The following PRKAR1B variants were observed in gnomAD, a reference collection of about 807,000 sequenced individuals.
PRKAR1B encodes cAMP-dependent protein kinase type I-beta regulatory subunit.
A neutral mutation model predicts 46.5 loss-of-function variants in PRKAR1B; 22 were observed. That is an observed-to-expected ratio of 0.47 (90% CI 0.34 to 0.68). The LOEUF (loss-of-function observed/expected upper bound fraction) is 0.68, where lower values mean the gene tolerates loss of function less well. Among genes scored for constraint, PRKAR1B ranks in the 30% least tolerant of loss-of-function variants. The pLI, the probability that PRKAR1B is intolerant of heterozygous loss-of-function variation, is 0.01. For missense variants in PRKAR1B, 445 were observed against 535.6 expected, an observed-to-expected ratio of 0.83 and a Z score of 1.67; for synonymous variants, 259 against 217.7, an observed-to-expected ratio of 1.19 and a Z score of -1.67.
At chr7:621,768 G>C (rs1326368489) in intron 4 of PRKAR1B, among the ~76,000 whole-genome samples, 1 of 152,190 alleles carries the variant, frequency 6.6e-6, no homozygotes, top group African/African-American at 2.4e-5. Context: ...AGTTTCTGAA[G>C]AGTTAAGCCA....
At chr7:676,409 A>G (rs1288897490) in intron 4 of PRKAR1B, among the ~76,000 whole-genome samples, 1 of 152,134 alleles carries the variant, frequency 6.6e-6, no homozygotes, top group African/African-American at 2.4e-5. Flanking sequence ...CAGGAGCCGC[A>G]GGAAAGGTAC....
chr7:683,206 A>T (rs1778798072), intron 2 of PRKAR1B, among the ~76,000 whole-genome samples: 1 of 152,182 alleles, frequency 6.6e-6, no homozygotes, highest in African/African-American at 2.4e-5. Flanking sequence ...GGGGTACAGG[A>T]GCTCTGGGGT....
intron 9 of PRKAR1B, among the ~76,000 whole-genome samples, chr7:573,751 G>A (rs184543858): frequency 6.6e-6 from 1 of 152,212 alleles, no homozygotes. Context: ...GAAAACACTG[G>A]AAGTTGTGCT....
intron 4 of PRKAR1B, among the ~76,000 whole-genome samples, chr7:675,844 G>A (rs1786549640): frequency 6.6e-6 from 1 of 152,182 alleles, no homozygotes; most frequent in Non-Finnish European, 1.5e-5. Context: ...TACTCAGGAG[G>A]CTGAGGCAGG....
At chr7:582,749 G>A (rs988786345) in intron 8 of PRKAR1B, among the ~76,000 whole-genome samples, 3 of 152,210 alleles carry the variant, frequency 2.0e-5, no homozygotes, top group African/African-American at 7.2e-5. Context: ...GTGGGCACAG[G>A]GCTGACTATG....
At chr7:649,960 G>A (rs1360538180) in intron 4 of PRKAR1B, among the ~76,000 whole-genome samples, 4 of 150,858 alleles carry the variant, frequency 2.7e-5, no homozygotes, top group Non-Finnish European at 5.9e-5. Context: ...GTAGCTGCAT[G>A]AGCCACCAGG....
In PRKAR1B at chr7:676,390, C is replaced by T. The variant is rs572500981; in HGVS notation, c.440+839G>A. ...CTCCTGCCTCAGGCCTCCGAGCTCCCGGCACAGGCAGGAGCCGCAGGAAAG... is the reference window on the plus strand; with the variant it reads ...CTCCTGCCTCAGGCCTCCGAGCTCCTGGCACAGGCAGGAGCCGCAGGAAAG... On this transcript the variant is annotated intron_variant, in intron 4 of 10. Coordinates refer to ENST00000537384, the MANE Select transcript of PRKAR1B (RefSeq NM_001164760.2). Among the ~76,000 whole-genome samples the T allele has an allele frequency of 5.4e-3, 820 of 152,272 alleles. 6 individuals carry two copies. Among genetic ancestry groups the T allele is most frequent in the African/African-American group, 0.019 (771 of 41,540 alleles).
chr7:680,131 C>G (rs1300866174), intron 3 of PRKAR1B, among the ~76,000 whole-genome samples: 1 of 145,762 alleles, frequency 6.9e-6, no homozygotes, highest in Non-Finnish European at 1.5e-5. Flanking sequence ...GCACTCCAGC[C>G]TGGGGGACGG....
intron 4 of PRKAR1B, among the ~76,000 whole-genome samples, chr7:633,665 G>C (rs1033460496): frequency 6.6e-6 from 1 of 152,126 alleles, no homozygotes; most frequent in African/African-American, 2.4e-5. Flanking sequence ...ATTGAGCTCA[G>C]ACTCTGTGCT....
At chr7:642,100 T>C (rs1784420011) in intron 4 of PRKAR1B, among the ~76,000 whole-genome samples, 1 of 152,048 alleles carries the variant, frequency 6.6e-6, no homozygotes, top group African/African-American at 2.4e-5. Flanking sequence ...CTTGCTATGT[T>C]GGCTAGGCTG....
chr7:561,618 C>T (rs1002959888), intron 9 of PRKAR1B, among the ~76,000 whole-genome samples: 3 of 152,242 alleles, frequency 2.0e-5, no homozygotes, highest in African/African-American at 7.2e-5. Context: ...GCTCCTCAGG[C>T]CCGGCTGGCC....
intron 2 of PRKAR1B, among the ~76,000 whole-genome samples, chr7:706,364 G>T (rs897302202): frequency 1.1e-5 from 1 of 88,268 alleles, no homozygotes; most frequent in African/African-American, 4.3e-5. Context: ...GATAATCTTC[G>T]GAAAGATCAC....
Position 550,557 on chromosome 7 carries a change from A to C in PRKAR1B, c.1019T>G (p.Val340Gly). The C allele has an allele frequency of 6.2e-7, 1 of 1,600,552 alleles. No homozygotes were observed. Residue 340 changes from valine to glycine, a missense_variant, in exon 11 of 11, where the codon GTG becomes GGG. By Grantham distance (109) the Val-to-Gly change is moderately radical (BLOSUM62 -3). This residue lies in a region of PRKAR1B where 127 missense variants were observed against 138.0 expected (regional missense o/e 0.92). Coordinates refer to ENST00000537384, the MANE Select transcript of PRKAR1B (RefSeq NM_001164760.2). ...LLNRPRAATVVARGPLKCVKL... is the reference protein window; with the variant it reads ...LLNRPRAATVGARGPLKCVKL... Reference sequence around the variant, plus strand: ...CACACACTTGAGGGGCCCCCGGGCCACGACAGTGGCCGCCCGGGGCCGGTT... The same window carrying C: ...CACACACTTGAGGGGCCCCCGGGCCCCGACAGTGGCCGCCCGGGGCCGGTT...
In PRKAR1B at chr7:550,377, G is replaced by T. The variant is rs1027800077; in HGVS notation, c.*53C>A. 3 of 1,524,098 alleles carry T rather than the reference G, an allele frequency of 2.0e-6. No homozygotes were observed. The highest frequency in any genetic ancestry group is 2.7e-6 in the Non-Finnish European group (3 of 1,122,914). The allele number at this position is 1,524,098 out of a possible 1,614,324, so 94.4% of individuals were successfully genotyped here. A position where few individuals can be genotyped will look rare whatever the true frequency, so the allele number is the denominator to read the frequency against. On this transcript the variant is annotated 3_prime_UTR_variant, in exon 11 of 11. Coordinates refer to ENST00000537384, the MANE Select transcript of PRKAR1B (RefSeq NM_001164760.2). ...GCTCCCGGGCCCCCGACACAGACGA[G>T]CAGGGCACGGCCACCACACTGGGGA...
intron 2 of PRKAR1B, among the ~76,000 whole-genome samples, chr7:690,355 T>C (rs1779344156): frequency 6.6e-6 from 1 of 151,002 alleles, no homozygotes; most frequent in South Asian, 2.1e-4. Flanking sequence ...GGCTGGGTGC[T>C]ATGCTCACTA....
intron 9 of PRKAR1B, among the ~76,000 whole-genome samples, chr7:569,680 G>A (rs1779386913): frequency 1.3e-5 from 2 of 152,244 alleles, no homozygotes; most frequent in South Asian, 2.1e-4. Flanking sequence ...GCACTCAGGA[G>A]CCTGCCCCAG....
chr7:653,943 C>G (rs1785048474), intron 4 of PRKAR1B, among the ~76,000 whole-genome samples: 1 of 151,290 alleles, frequency 6.6e-6, no homozygotes, highest in South Asian at 2.1e-4. Flanking sequence ...ATCTTCATCT[C>G]CATCACCATC....
At chr7:572,279 T>A (rs1380605749) in intron 9 of PRKAR1B, among the ~76,000 whole-genome samples, 2 of 152,174 alleles carry the variant, frequency 1.3e-5, no homozygotes, top group Non-Finnish European at 2.9e-5. Flanking sequence ...TCCAGTCTGC[T>A]GAGAATATTT....
At chr7:720,790 T>C (rs1781044332) in intron 1 of PRKAR1B, among the ~76,000 whole-genome samples, 1 of 152,266 alleles carries the variant, frequency 6.6e-6, no homozygotes, top group Non-Finnish European at 1.5e-5. Context: ...TATGTTTACA[T>C]GATACTCTTT....
Sources: gnomAD v4.1 joint callset for allele counts (sites outside exome capture counted in the v4.1 genomes callset) on GRCh38, gnomAD v4.1.1 for gene constraint, gnomAD v4.1.1 regional missense constraint, MANE v1.5 for transcripts, NCBI Gene and HGNC (gene_info 2026-07-23, HGNC 2026-07-21) for gene names.